The following SUMF1 variants were observed in gnomAD, a reference collection of about 807,000 sequenced individuals.
The protein encoded by SUMF1 is formylglycine-generating enzyme.
In SUMF1, 48 loss-of-function variants were observed where a neutral mutation model predicts 47.6. The ratio of observed to expected loss-of-function variants is 1.01; its 90% CI spans 0.80 to 1.28. The LOEUF is 1.28. Among genes scored for constraint, SUMF1 ranks in the 50% most tolerant of loss-of-function variants. The probability of loss-of-function intolerance (pLI) is 0.00; values close to 1 mark genes in which losing one functional copy is unlikely to be tolerated. For synonymous variants in SUMF1, 230 were observed against 192.1 expected (o/e 1.20, Z -1.63); for missense variants, 571 against 485.4 (o/e 1.18, Z -1.66).
chr3:4,350,455 A>G (rs759050955), intron 8 of SUMF1, among the ~76,000 whole-genome samples: 16 of 152,230 alleles, frequency 1.1e-4, no homozygotes, highest in Non-Finnish European at 2.4e-4. Flanking sequence ...ATACGTTTTT[A>G]AAAGTCTGGA....
intron 2 of SUMF1, among the ~76,000 whole-genome samples, chr3:4,451,456 A>G (rs969183827): frequency 6.6e-6 from 1 of 152,228 alleles, no homozygotes; most frequent in African/African-American, 2.4e-5. Context: ...GGTCTTTGCC[A>G]TTAAAAGTAA....
Position 4,066,937 on chromosome 3 carries a change from T to A in SUMF1, c.1191+1632A>T, listed in dbSNP as rs192701786. Among the ~76,000 whole-genome samples, 4 of 152,270 alleles carry A rather than the reference T, an allele frequency of 2.6e-5. No individual in the cohort carries two copies. In the East Asian group the frequency reaches 7.7e-4, roughly 29 times the overall value. On this transcript the variant is annotated intron_variant and NMD_transcript_variant, in intron 9 of 12. Transcript: ENST00000448413. ...CTTGTTTGCCCTATCCTCTGCCCATTTCTCAACTGGATGGTGTTCCTTACT... is the reference window on the plus strand; with the variant it reads ...CTTGTTTGCCCTATCCTCTGCCCATATCTCAACTGGATGGTGTTCCTTACT...
chr3:4,256,452 G>A (rs1696956252), intron 8 of SUMF1, among the ~76,000 whole-genome samples: 1 of 144,878 alleles, frequency 6.9e-6, no homozygotes, highest in African/African-American at 2.6e-5. Context: ...CGATCCCACA[G>A]AAATACAAAC....
intron 7 of SUMF1, among the ~76,000 whole-genome samples, chr3:4,403,684 T>A (rs774589379): frequency 6.6e-6 from 1 of 151,948 alleles, no homozygotes; most frequent in Non-Finnish European, 1.5e-5. Context: ...AGGATTTGAG[T>A]TGGACAGAGG....
chr3:4,157,429 A>C (rs1352603729), intron 8 of SUMF1, among the ~76,000 whole-genome samples: 1 of 151,564 alleles, frequency 6.6e-6, no homozygotes, highest in Non-Finnish European at 1.5e-5. Flanking sequence ...CAGGTATTTT[A>C]TTCTGTTCCA....
downstream of SUMF1, among the ~76,000 whole-genome samples, chr3:4,357,416 G>T (rs955505586): frequency 6.6e-6 from 1 of 151,686 alleles, no homozygotes; most frequent in Non-Finnish European, 1.5e-5. Context: ...TTTGGAAAAG[G>T]TGATTAGCAA....
At chr3:4,040,911 G>T (rs1485492941) in intron 9 of SUMF1, among the ~76,000 whole-genome samples, 1 of 152,146 alleles carries the variant, frequency 6.6e-6, no homozygotes, top group African/African-American at 2.4e-5. Flanking sequence ...ATAACCAAAA[G>T]TGTTCAAGCA....
intron 8 of SUMF1, among the ~76,000 whole-genome samples, chr3:4,310,894 C>A (rs1268848152): frequency 6.6e-6 from 1 of 152,116 alleles, no homozygotes; most frequent in African/African-American, 2.4e-5. Flanking sequence ...CTTCATTTTA[C>A]AAGTACTTTT....
intron 8 of SUMF1, among the ~76,000 whole-genome samples, chr3:4,101,336 T>G (rs1454098601): frequency 6.6e-6 from 1 of 152,166 alleles, no homozygotes; most frequent in African/African-American, 2.4e-5. Context: ...AATTCTGTCA[T>G]TTATGACAAT....
intron 9 of SUMF1, among the ~76,000 whole-genome samples, chr3:4,042,698 A>G (rs1694929835): frequency 6.6e-6 from 1 of 152,080 alleles, no homozygotes; most frequent in Non-Finnish European, 1.5e-5. Flanking sequence ...ATTCTCATGC[A>G]CTATTCCCAA....
intron 8 of SUMF1, among the ~76,000 whole-genome samples, chr3:4,353,086 T>C (rs887796142): frequency 2.0e-5 from 3 of 152,182 alleles, no homozygotes; most frequent in African/African-American, 7.2e-5. Context: ...ATGTGCAATA[T>C]ATCTACAGAC....
At chr3:4,317,391 G>A (rs963350402) in intron 8 of SUMF1, 5 of 653,552 alleles carry the variant, frequency 7.7e-6, no homozygotes, top group East Asian at 2.8e-5. Context: ...TATTAAGAAT[G>A]TAGAAATGTG....
chr3:4,415,916 C>T (rs1237793127), intron 6 of SUMF1, among the ~76,000 whole-genome samples: 1 of 152,194 alleles, frequency 6.6e-6, no homozygotes, highest in East Asian at 1.9e-4. Context: ...GCATTAGTCC[C>T]TTCTGGTGGA....
intron 8 of SUMF1, among the ~76,000 whole-genome samples, chr3:4,162,089 C>A (rs1164021634): frequency 6.6e-6 from 1 of 152,046 alleles, no homozygotes. Context: ...GCAGGGTGTA[C>A]CTAGCAATAT....
chr3:4,272,514 C>T lies in SUMF1; in HGVS notation c.1014+103816G>A, dbSNP rs913520359. ...CTCTTCCTCTAAGAACAGTTTCTGA[C>T]GGGGGCTGACACAAGGAAACTATCA... On this transcript the variant is annotated intron_variant and NMD_transcript_variant, in intron 8 of 12. Transcript: ENST00000448413. 3.3e-4 allele frequency among the ~76,000 whole-genome samples: 50 copies of T among 152,180 alleles called. 1 individual carries two copies. In the Middle Eastern group the frequency reaches 0.017, roughly 52 times the overall value.
chr3:4,109,617 T>C (rs911318887), intron 8 of SUMF1, among the ~76,000 whole-genome samples: 8 of 152,090 alleles, frequency 5.3e-5, no homozygotes, highest in African/African-American at 1.5e-4. Flanking sequence ...GGAGGCTTTG[T>C]TCATTTCTTT....
In SUMF1 at chr3:4,211,113, TATATATATAC is replaced by T. The variant is rs553101238; in HGVS notation, c.1015-142378_1015-142369del. On this transcript the variant is annotated intron_variant and NMD_transcript_variant, in intron 8 of 12. Transcript: ENST00000448413. ...TCCTTAATAAACTCCCATATATATA[TATATATATAC>T]ACACACACACACATATATACATATA... 1.0e-4 allele frequency among the ~76,000 whole-genome samples: 14 copies of T among 134,858 alleles called. No homozygotes were observed. In the South Asian group the frequency reaches 2.4e-3, roughly 23 times the overall value. 88.5% of individuals were successfully genotyped at this position (134,858 alleles called of 152,430 possible). A position where few individuals can be genotyped will look rare whatever the true frequency, so the allele number is the denominator to read the frequency against.
At chr3:4,065,018 C>A (rs930820827) in intron 9 of SUMF1, among the ~76,000 whole-genome samples, 4 of 152,114 alleles carry the variant, frequency 2.6e-5, no homozygotes, top group African/African-American at 9.7e-5. Flanking sequence ...AAGGTTTGCA[C>A]CATGGTGCAG....
chr3:4,140,507 T>C (rs941561193), intron 8 of SUMF1, among the ~76,000 whole-genome samples: 1 of 152,104 alleles, frequency 6.6e-6, no homozygotes, highest in Admixed American at 6.6e-5. Context: ...CAGTGCCCTT[T>C]GGACTCATCT....
Sources: allele counts gnomAD v4.1 joint callset (sites outside exome capture counted in the v4.1 genomes callset), GRCh38; gene constraint gnomAD v4.1.1; transcripts MANE v1.5; gene names NCBI Gene and HGNC (gene_info 2026-07-23, HGNC 2026-07-21).